TET3: variants seen among roughly 807,000 people sequenced by gnomAD.
TET3 encodes the protein methylcytosine dioxygenase TET3.
In TET3, 19 loss-of-function variants were observed where a neutral mutation model predicts 141.4. That is an observed-to-expected ratio of 0.13 (90% CI 0.09 to 0.20). The LOEUF (loss-of-function observed/expected upper bound fraction) is 0.20. Among genes scored for constraint, TET3 ranks in the 10% least tolerant of loss-of-function variants. The pLI is 1.00. For missense variants in TET3, 1,874 were observed against 2,356.9 expected, an observed-to-expected ratio of 0.80 and a Z score of 4.24; for synonymous variants, 1,043 against 980.9, an observed-to-expected ratio of 1.06 and a Z score of -1.18.
chr2:74,002,870 G>A (rs2105143766), intron 2 of TET3: 2 of 569,432 alleles, frequency 3.5e-6, no homozygotes, highest in South Asian at 4.4e-5. Context: ...TCGGATCTCG[G>A]GGGGATTCTC....
the TET3 span, among the ~76,000 whole-genome samples, chr2:74,132,937 A>G: frequency 6.6e-6 from 1 of 151,770 alleles, no homozygotes; most frequent in East Asian, 1.9e-4. Context: ...TGGCTCTGTC[A>G]TCCAGGCTGG....
At chr2:74,114,304 G>A in the TET3 span, among the ~76,000 whole-genome samples, 1 of 152,064 alleles carries the variant, frequency 6.6e-6, no homozygotes, top group Non-Finnish European at 1.5e-5. Flanking sequence ...GGGGACTCGG[G>A]GGGGAGGGCT....
chr2:74,091,193 C>G (rs1054078120), intron 8 of TET3, among the ~76,000 whole-genome samples: 2 of 152,126 alleles, frequency 1.3e-5, no homozygotes, highest in Admixed American at 6.5e-5. Flanking sequence ...CGGTAAGATT[C>G]ACCCTCCCTT....
chr2:74,010,087 T>C (rs1685347827), intron 3 of TET3, among the ~76,000 whole-genome samples: 1 of 152,220 alleles, frequency 6.6e-6, no homozygotes, highest in South Asian at 2.1e-4. Flanking sequence ...AGCTGTGGGT[T>C]CCCAGAGGCG....
In TET3 at chr2:74,046,357, G is replaced by A. The variant is rs1318968355; in HGVS notation, c.440G>A (p.Arg147Gln). The A allele has an allele frequency of 5.2e-6, 8 of 1,528,666 alleles. No homozygotes were observed. The highest frequency in any genetic ancestry group is 7.0e-6 in the Non-Finnish European group (8 of 1,141,826). 94.7% of individuals were successfully genotyped at this position (1,528,666 alleles called of 1,614,324 possible). A position where few individuals can be genotyped will look rare whatever the true frequency, so the allele number is the denominator to read the frequency against. ...DSGPVYHGDSRQLSASGVPVN... is the reference protein window; with the variant it reads ...DSGPVYHGDSQQLSASGVPVN... ...GGGCCAGTGTACCATGGGGACTCAC[G>A]GCAGCTAAGCGCCTCAGGGGTGCCG... Residue 147 changes from arginine to glutamine, a missense_variant, in exon 4 of 12, where the codon CGG becomes CAG. Arg to Gln is a conservative substitution (Grantham distance 43). Around this residue, in one of 10 missense-constraint regions of TET3, gnomAD observed 366 missense variants for 487.0 expected, o/e 0.75. Transcript: ENST00000409262. This position sits in a 1 kb window ranked among gnomAD's most constrained non-coding sequence, Gnocchi z 4.3.
intron 2 of TET3, among the ~76,000 whole-genome samples, chr2:74,000,662 C>T (rs935824630): frequency 6.6e-6 from 1 of 152,116 alleles, no homozygotes; most frequent in African/African-American, 2.4e-5. Context: ...TTCTTTGTAT[C>T]TCCCTGGGGT....
At chr2:74,118,875 CTAATAT>C in the TET3 span, among the ~76,000 whole-genome samples, 9 of 152,280 alleles carry the variant, frequency 5.9e-5, no homozygotes, top group African/African-American at 2.2e-4. Flanking sequence ...GATATATTAT[CTAATAT>C]TGAGTTCATA....
chr2:74,057,313 A>G (rs1688270730), intron 4 of TET3, among the ~76,000 whole-genome samples: 1 of 152,184 alleles, frequency 6.6e-6, no homozygotes, highest in South Asian at 2.1e-4. Flanking sequence ...AACCCTCAAC[A>G]TACACATAAA....
At chr2:74,028,788 T>C (rs1219853802) in intron 3 of TET3, among the ~76,000 whole-genome samples, 1 of 152,238 alleles carries the variant, frequency 6.6e-6, no homozygotes, top group Non-Finnish European at 1.5e-5. Flanking sequence ...AAGAATGAAT[T>C]ACTAGAAAAA....
chr2:74,065,811 T>C (rs1028398322), intron 4 of TET3, among the ~76,000 whole-genome samples: 4 of 151,628 alleles, frequency 2.6e-5, no homozygotes, highest in African/African-American at 7.3e-5. Context: ...AAGGCTGGAG[T>C]GCAGTGGTGC....
At chr2:73,987,665 C>T (rs568517292) in intron 2 of TET3, among the ~76,000 whole-genome samples, 72 of 152,328 alleles carry the variant, frequency 4.7e-4, no homozygotes, top group Non-Finnish European at 7.5e-4. Context: ...GCGCTGTCTT[C>T]GAGCTCCCCC....
chr2:74,065,689 T>C (rs534943870), intron 4 of TET3, among the ~76,000 whole-genome samples: 1 of 151,436 alleles, frequency 6.6e-6, no homozygotes, highest in Admixed American at 6.6e-5. Flanking sequence ...CTTTCTTTTC[T>C]TCTTTCTTTT....
intron 2 of TET3, among the ~76,000 whole-genome samples, chr2:73,993,049 A>C (rs1249634095): frequency 6.6e-6 from 1 of 152,208 alleles, no homozygotes; most frequent in African/African-American, 2.4e-5. Context: ...AGCCATGTAG[A>C]TCAGGGGTTC....
At chr2:74,038,514 G>A (rs964171324) in intron 3 of TET3, among the ~76,000 whole-genome samples, 13 of 152,282 alleles carry the variant, frequency 8.5e-5, no homozygotes, top group Non-Finnish European at 1.6e-4. Flanking sequence ...GCAGTAAGAT[G>A]TGCAGCACTA....
At chr2:74,051,193 C>T (rs1342698874) in intron 4 of TET3, among the ~76,000 whole-genome samples, 1 of 152,192 alleles carries the variant, frequency 6.6e-6, no homozygotes, top group Non-Finnish European at 1.5e-5. Flanking sequence ...CTCTGTTCTC[C>T]TGCATTCCTC....
At chr2:74,082,055 C>G (rs577550503) in intron 6 of TET3, among the ~76,000 whole-genome samples, 3 of 151,658 alleles carry the variant, frequency 2.0e-5, no homozygotes, top group African/African-American at 7.3e-5. Context: ...GCCCCTTTCT[C>G]CTGCTAATTC....
rs750378482 is a variant in TET3 at position 74,003,137 on chromosome 2, G to A, written c.331G>A (p.Gly111Arg). The A allele has an allele frequency of 6.4e-7, 1 of 1,550,492 alleles. No homozygotes were observed. Among genetic ancestry groups the A allele is most frequent in the South Asian group, 1.2e-5 (1 of 84,046 alleles). ...EVEIKAGEGA[G>R]PWGQGAAVKT... is the part of the protein sequence containing the mutation. ...GGAAATAAAGGCTGGTGAAGGAGCC[G>A]GGCCGTGGGGACAAGGAGCGGCTGT... Residue 111 changes from glycine to arginine, a missense_variant, in exon 3 of 12, where the codon GGG becomes AGG. Physicochemically the swap from Gly to Arg is moderately radical, Grantham distance 125. This residue lies in a region of TET3 where 366 missense variants were observed against 487.0 expected (regional missense o/e 0.75). Transcript: ENST00000409262.
intron 4 of TET3, among the ~76,000 whole-genome samples, chr2:74,072,967 T>G (rs1322756160): frequency 6.6e-6 from 1 of 152,262 alleles, no homozygotes. Context: ...CATGTGGACA[T>G]ACGCATTTTA....
At position 73,985,640 on chromosome 2, in the gene TET3, TC is replaced by T. The variant is rs1683984641; in HGVS notation, c.-424-337del. On this transcript the variant is annotated intron_variant, in intron 1 of 11. Coordinates refer to ENST00000409262, the MANE Select transcript of TET3 (RefSeq NM_001287491.2). ...GCAAACTTTATTTTGAAAGCTCAGC[TC>T]CCTAGGGAGGGCCCGGCGGCCTCCA... is the stretch of plus-strand genomic sequence containing the variant. Among the ~76,000 whole-genome samples the T allele has an allele frequency of 1.4e-5, 2 of 146,048 alleles. 1 individual carries two copies. Among genetic ancestry groups the T allele is most frequent in the Middle Eastern group, 6.9e-3 (2 of 288 alleles).
Sources: allele counts gnomAD v4.1 joint callset (sites outside exome capture counted in the v4.1 genomes callset), GRCh38; gene constraint gnomAD v4.1.1; regional missense constraint gnomAD v4.1.1; non-coding constraint Gnocchi (gnomAD v3.1); transcripts MANE v1.5; gene names NCBI Gene and HGNC (gene_info 2026-07-23, HGNC 2026-07-21).